The following SEZ6L variants were observed in gnomAD, a reference collection of about 807,000 sequenced individuals.
SEZ6L encodes seizure related 6 homolog like.
Under a neutral mutation model 106.2 loss-of-function variants are expected in SEZ6L, and 37 were observed. The ratio of observed to expected loss-of-function variants is 0.35; its 90% CI spans 0.27 to 0.46. SEZ6L has a LOEUF of 0.46. SEZ6L is among the 20% of genes least tolerant of loss of function. The pLI is 1.00. For synonymous variants in SEZ6L, 541 were observed against 570.4 expected (o/e 0.95, Z 0.73); for missense variants, 1,172 against 1,332.8 (o/e 0.88, Z 1.88).
At chr22:26,364,380 G>A (rs920593185) in intron 12 of SEZ6L, among the ~76,000 whole-genome samples, 11 of 148,856 alleles carry the variant, frequency 7.4e-5, no homozygotes, top group Non-Finnish European at 1.6e-4. Flanking sequence ...GAGCCCAGGA[G>A]TTTGAGACCA....
chr22:26,183,133 G>A (rs1350171238), intron 1 of SEZ6L, among the ~76,000 whole-genome samples: 3 of 152,184 alleles, frequency 2.0e-5, no homozygotes, highest in Non-Finnish European at 4.4e-5. Flanking sequence ...ACCTTCAAAG[G>A]TGCCTTACAG....
chr22:26,214,392 C>T (rs191412889), intron 1 of SEZ6L, among the ~76,000 whole-genome samples: 30 of 152,272 alleles, frequency 2.0e-4, no homozygotes, highest in Admixed American at 1.5e-3. Context: ...AACCAATAAA[C>T]GTCAGCTATT....
chr22:26,305,073 T>C (rs1401090227), intron 5 of SEZ6L, among the ~76,000 whole-genome samples: 2 of 152,256 alleles, frequency 1.3e-5, no homozygotes, highest in South Asian at 2.1e-4. Context: ...GGTATTTGTT[T>C]ATCTAAACAT....
intron 1 of SEZ6L, among the ~76,000 whole-genome samples, chr22:26,270,115 C>A (rs2080315882): frequency 6.6e-6 from 1 of 152,106 alleles, no homozygotes; most frequent in Non-Finnish European, 1.5e-5. Flanking sequence ...TTCTTCTGAA[C>A]CTCAGTTTTC....
intron 1 of SEZ6L, among the ~76,000 whole-genome samples, chr22:26,195,058 C>G (rs1474202007): frequency 6.6e-6 from 1 of 152,216 alleles, no homozygotes; most frequent in Admixed American, 6.5e-5. Context: ...CCAGGCACAA[C>G]TGGGAATGAC....
chr22:26,178,066 T>C (rs1224922787), intron 1 of SEZ6L, among the ~76,000 whole-genome samples: 1 of 151,800 alleles, frequency 6.6e-6, no homozygotes, highest in Non-Finnish European at 1.5e-5. Context: ...ACCCAAGGAG[T>C]GTGGCAATGG....
chr22:26,331,351 T>C (rs2082474950), intron 9 of SEZ6L, among the ~76,000 whole-genome samples: 1 of 152,186 alleles, frequency 6.6e-6, no homozygotes, highest in African/African-American at 2.4e-5. Context: ...AGGTACTACA[T>C]TCATACGATT....
chr22:26,220,921 A>ATGGATGGG (rs1569393428), intron 1 of SEZ6L, among the ~76,000 whole-genome samples: 1 of 150,138 alleles, frequency 6.7e-6, no homozygotes, highest in African/African-American at 2.5e-5. Flanking sequence ...GGATGGATGG[A>ATGGATGGG]TGGATGGGTG....
At chr22:26,248,675 A>G (rs2079452634) in intron 1 of SEZ6L, among the ~76,000 whole-genome samples, 1 of 152,254 alleles carries the variant, frequency 6.6e-6, no homozygotes, top group African/African-American at 2.4e-5. Flanking sequence ...CTCTCTTGCC[A>G]ACTTGCCTTC....
intron 9 of SEZ6L, among the ~76,000 whole-genome samples, chr22:26,318,233 C>G (rs2082060546): frequency 6.6e-6 from 1 of 151,912 alleles, no homozygotes; most frequent in Admixed American, 6.6e-5. Flanking sequence ...GCCACCACAC[C>G]CAGCTAATTT....
At chr22:26,348,648 AAGAAAG>A (rs1569473658) in intron 11 of SEZ6L, among the ~76,000 whole-genome samples, 1 of 18,632 alleles carries the variant, frequency 5.4e-5, no homozygotes, top group Non-Finnish European at 1.1e-4. Flanking sequence ...AAGAAAGAAA[AAGAAAG>A]AAAGAAAGAA....
At chr22:26,233,834 C>A (rs184601205) in intron 1 of SEZ6L, among the ~76,000 whole-genome samples, 3 of 152,024 alleles carry the variant, frequency 2.0e-5, no homozygotes, top group African/African-American at 7.3e-5. Flanking sequence ...GAAAGGTAGT[C>A]CCCCATAGAA....
chr22:26,220,699 C>A lies in SEZ6L; in HGVS notation c.94+50936C>A, dbSNP rs952771765. Among the ~76,000 whole-genome samples the A allele has an allele frequency of 6.6e-5, 10 of 152,298 alleles. No individual in the cohort carries two copies. In the South Asian group the frequency reaches 1.5e-3, roughly 22 times the overall value. ...AGTCACTGTCATATGGTCCTGCAATCCCCTGCCTGTCCCTCCCCCATTAGA... is the reference window on the plus strand; with the variant it reads ...AGTCACTGTCATATGGTCCTGCAATACCCTGCCTGTCCCTCCCCCATTAGA... On this transcript the variant is annotated intron_variant, in intron 1 of 16. Transcript: ENST00000248933.
chr22:26,184,509 C>T (rs2092201), intron 1 of SEZ6L, among the ~76,000 whole-genome samples: 7,405 of 152,268 alleles, frequency 0.049, 344 homozygotes, highest in East Asian at 0.22. Context: ...GATTCAACCC[C>T]AAGAAGCAAA....
chr22:26,284,464 G>A (rs1219166941), intron 1 of SEZ6L, among the ~76,000 whole-genome samples: 1 of 152,006 alleles, frequency 6.6e-6, no homozygotes, highest in Non-Finnish European at 1.5e-5. Flanking sequence ...AAAAATATTA[G>A]CCGGGCATGT....
intron 1 of SEZ6L, among the ~76,000 whole-genome samples, chr22:26,289,323 T>C (rs1279811667): frequency 1.3e-5 from 2 of 152,240 alleles, no homozygotes; most frequent in African/African-American, 4.8e-5. Flanking sequence ...TCAATCATTT[T>C]AGAAAAGCGA....
chr22:26,375,620 C>T lies in SEZ6L; in HGVS notation c.2873C>T (p.Ala958Val), dbSNP rs1601655703. ...AETSLEGGNM[A>V]LAIFIPVLII... ...ACGTCGCTGGAAGGGGGGAACATGG[C>T]CCTGGCTATCTTCATCCCGGTCCTC... The change falls in exon 15 of 17, where the codon GCC becomes GTC. Residue 958 changes from alanine (A) to valine (V), a missense_variant. Physicochemically the swap from Ala to Val is moderately conservative, Grantham distance 64 (BLOSUM62 0). Transcript: ENST00000248933. 6.2e-7 allele frequency: 1 copy of T among 1,614,154 alleles called. No individual in the cohort carries two copies. Among genetic ancestry groups the T allele is most frequent in the East Asian group, 2.2e-5 (1 of 44,874 alleles).
intron 9 of SEZ6L, among the ~76,000 whole-genome samples, chr22:26,317,170 A>C (rs527816847): frequency 6.6e-6 from 1 of 152,294 alleles, no homozygotes; most frequent in South Asian, 2.1e-4. Flanking sequence ...TTCTTAGCTG[A>C]AGCTTCACAT....
chr22:26,357,240 C>T (rs185794890), intron 12 of SEZ6L, among the ~76,000 whole-genome samples: 13 of 152,258 alleles, frequency 8.5e-5, no homozygotes, highest in Middle Eastern at 3.4e-3. Flanking sequence ...CCACTGTGCC[C>T]GGCCCTCAGA....
Sources: allele counts gnomAD v4.1 joint callset (sites outside exome capture counted in the v4.1 genomes callset), GRCh38; gene constraint gnomAD v4.1.1; transcripts MANE v1.5; gene names NCBI Gene and HGNC (gene_info 2026-07-23, HGNC 2026-07-21).